Variants in FSTL4 observed in about 807,000 individuals in gnomAD.
FSTL4 encodes follistatin-related protein 4.
In FSTL4, 28 loss-of-function variants were observed where a neutral mutation model predicts 78.2. The observed-to-expected ratio is 0.36, with a 90% CI of 0.27 to 0.49. FSTL4 has a LOEUF of 0.49. Ranked by LOEUF, FSTL4 falls within the 20% of genes least tolerant of loss-of-function variation. FSTL4 has a pLI of 0.98. For synonymous variants in FSTL4, 422 were observed against 440.5 expected, an observed-to-expected ratio of 0.96 and a Z score of 0.53; for missense variants, 922 against 1,084.9, an observed-to-expected ratio of 0.85 and a Z score of 2.11.
intron 3 of FSTL4, among the ~76,000 whole-genome samples, chr5:133,489,151 C>G (rs1163722934): frequency 6.6e-6 from 1 of 152,216 alleles, no homozygotes; most frequent in African/African-American, 2.4e-5. Context: ...ATACCAAACT[C>G]TGGACCTCTG....
intron 3 of FSTL4, among the ~76,000 whole-genome samples, chr5:133,498,289 C>T (rs527399317): frequency 3.3e-5 from 5 of 152,176 alleles, no homozygotes; most frequent in Non-Finnish European, 7.4e-5. Flanking sequence ...AGTTTCCTCT[C>T]CCCAAGACTC....
chr5:133,403,612 G>A (rs1756288931), intron 3 of FSTL4, among the ~76,000 whole-genome samples: 1 of 152,234 alleles, frequency 6.6e-6, no homozygotes, highest in Non-Finnish European at 1.5e-5. Context: ...AGCCTCACAT[G>A]TGTTGACCCG....
chr5:133,305,917 C>A (rs1753645150), intron 6 of FSTL4, among the ~76,000 whole-genome samples: 1 of 152,240 alleles, frequency 6.6e-6, no homozygotes. Context: ...CTGTCCCTCC[C>A]TGCCCAGGAG....
chr5:133,786,802 G>A, the FSTL4 span, among the ~76,000 whole-genome samples: 1 of 152,226 alleles, frequency 6.6e-6, no homozygotes, highest in African/African-American at 2.4e-5. Context: ...AGTAACAGTG[G>A]TGACTGCTCT....
intron 4 of FSTL4, among the ~76,000 whole-genome samples, chr5:133,322,941 A>G (rs1248272180): frequency 6.6e-6 from 1 of 152,192 alleles, no homozygotes; most frequent in Non-Finnish European, 1.5e-5. Flanking sequence ...TGTTCTGAGC[A>G]GGCAGGAGTT....
intron 3 of FSTL4, among the ~76,000 whole-genome samples, chr5:133,409,541 C>T (rs77687647): frequency 0.075 from 11,469 of 152,296 alleles, 650 homozygotes; most frequent in Non-Finnish European, 0.11. Flanking sequence ...TGAGGACCCC[C>T]GCTCCTGTGG....
chr5:133,267,845 ACCT>A (rs1311273120), intron 6 of FSTL4, among the ~76,000 whole-genome samples: 3 of 152,056 alleles, frequency 2.0e-5, no homozygotes, highest in Non-Finnish European at 4.4e-5. Context: ...AACCCTCCTG[ACCT>A]CCACATTTCA....
the FSTL4 span, among the ~76,000 whole-genome samples, chr5:133,734,713 T>C: frequency 6.6e-6 from 1 of 152,260 alleles, no homozygotes; most frequent in African/African-American, 2.4e-5. Context: ...TCAATTTGTA[T>C]ACATGTCTCA....
the FSTL4 span, among the ~76,000 whole-genome samples, chr5:133,797,531 T>C: frequency 6.6e-6 from 1 of 152,334 alleles, no homozygotes; most frequent in South Asian, 2.1e-4. Context: ...TGGTCAGTTG[T>C]GCCTAAACTC....
chr5:133,377,633 A>G (rs1466506485), intron 4 of FSTL4, among the ~76,000 whole-genome samples: 4 of 152,122 alleles, frequency 2.6e-5, no homozygotes, highest in Non-Finnish European at 5.9e-5. Flanking sequence ...AAAAAAAAAA[A>G]TGAACAAAGC....
At chr5:133,824,921 C>T in the FSTL4 span, among the ~76,000 whole-genome samples, 1 of 151,996 alleles carries the variant, frequency 6.6e-6, no homozygotes, top group African/African-American at 2.4e-5. Flanking sequence ...TAAATCACAG[C>T]GTGAATCCCC....
the FSTL4 span, among the ~76,000 whole-genome samples, chr5:133,679,760 C>T: frequency 6.6e-5 from 10 of 152,224 alleles, no homozygotes; most frequent in African/African-American, 2.4e-4. Context: ...CTGCACATGG[C>T]CTCCTGCTTG....
the FSTL4 span, among the ~76,000 whole-genome samples, chr5:133,752,673 C>T: frequency 2.0e-5 from 3 of 152,066 alleles, no homozygotes; most frequent in Non-Finnish European, 2.9e-5. Flanking sequence ...TCCTAGCATT[C>T]GTGGAAAATA....
chr5:133,478,753 C>T (rs1757968110), intron 3 of FSTL4, among the ~76,000 whole-genome samples: 1 of 152,026 alleles, frequency 6.6e-6, no homozygotes, highest in African/African-American at 2.4e-5. Flanking sequence ...TGCTCACACA[C>T]ACGAGTGCAG....
chr5:133,303,303 G>C (rs1471157882), intron 6 of FSTL4, among the ~76,000 whole-genome samples: 2 of 152,212 alleles, frequency 1.3e-5, no homozygotes, highest in African/African-American at 4.8e-5. Context: ...ACGATAAGTA[G>C]GGATCAGTAT....
At chr5:133,494,512 A>G (rs1758331616) in intron 3 of FSTL4, among the ~76,000 whole-genome samples, 1 of 152,234 alleles carries the variant, frequency 6.6e-6, no homozygotes, top group African/African-American at 2.4e-5. Flanking sequence ...CCTGCGCTGA[A>G]AGCACATTTT....
chr5:133,467,812 C>CA (rs1385244472), intron 3 of FSTL4, among the ~76,000 whole-genome samples: 1 of 152,204 alleles, frequency 6.6e-6, no homozygotes, highest in Non-Finnish European at 1.5e-5. Flanking sequence ...GCTGTTTGCT[C>CA]AGACACTGCT....
intron 4 of FSTL4, among the ~76,000 whole-genome samples, chr5:133,375,252 C>G (rs1038479726): frequency 1.0e-5 from 1 of 96,608 alleles, no homozygotes; most frequent in African/African-American, 3.4e-5. Flanking sequence ...TTATAAAGAG[C>G]TATTTTGAAA....
intron 4 of FSTL4, among the ~76,000 whole-genome samples, chr5:133,327,206 C>G (rs1029677149): frequency 1.8e-4 from 28 of 152,216 alleles, no homozygotes; most frequent in African/African-American, 6.8e-4. Context: ...AAGCCCAGGA[C>G]AGGCCTAGCT....
Sources: allele counts gnomAD v4.1 joint callset (sites outside exome capture counted in the v4.1 genomes callset), GRCh38; gene constraint gnomAD v4.1.1; transcripts MANE v1.5; gene names NCBI Gene and HGNC (gene_info 2026-07-23, HGNC 2026-07-21).